MYH10: variants seen among roughly 807,000 people sequenced by gnomAD.
The protein encoded by MYH10 is myosin-10.
Under a neutral mutation model 257.8 loss-of-function variants are expected in MYH10, and 55 were observed. That is an observed-to-expected ratio of 0.21 (90% CI 0.17 to 0.27). The LOEUF is 0.27. Among genes scored for constraint, MYH10 ranks in the 10% least tolerant of loss-of-function variants. The probability of loss-of-function intolerance (pLI) is 1.00; values close to 1 mark genes in which losing one functional copy is unlikely to be tolerated. For missense variants in MYH10, 1,631 were observed against 2,500.6 expected (o/e 0.65, Z 7.42); for synonymous variants, 854 against 921.7 (o/e 0.93, Z 1.33).
In MYH10 at chr17:8,535,574, G is replaced by A; in HGVS notation, c.1780-73C>T. 7.2e-7 allele frequency: 1 copy of A among 1,392,744 alleles called. No homozygotes were observed. Among genetic ancestry groups the A allele is most frequent in the Non-Finnish European group, 1.0e-6 (1 of 1,004,478 alleles). 86.3% of individuals were successfully genotyped at this position (1,392,744 alleles called of 1,614,324 possible). On this transcript the variant is annotated intron_variant, in intron 15 of 42. Transcript: ENST00000360416. This position sits in a 1 kb window ranked among gnomAD's most constrained non-coding sequence, Gnocchi z 4.3. ...AAATGCAAAAACAAAAACACTTTAA[G>A]CCTCAACCAGAAACTTTTATACAAC...
At position 8,478,368 on chromosome 17, in the gene MYH10, C is replaced by A. The variant is rs755958494; in HGVS notation, c.5676G>T (p.Glu1892Asp). 1 of 1,614,160 alleles carries A rather than the reference C, an allele frequency of 6.2e-7. No individual in the cohort carries two copies. The highest frequency in any genetic ancestry group is 1.1e-5 in the South Asian group (1 of 91,078). The change falls in exon 41 of 43, where the codon GAG (glutamate) becomes GAT (aspartate). Residue 1892 changes from glutamate (E) to aspartate (D), a missense_variant. By Grantham distance (45) the Glu-to-Asp change is conservative (BLOSUM62 2). Coordinates refer to ENST00000360416, the MANE Select transcript of MYH10 (RefSeq NM_001256012.3). ...LKEIFMQVED[E>D]RRHADQYKEQ... ...CTTTATACTGGTCCGCGTGTCGACG[C>A]TCATCCTCAACCTGCATGAAGATTT... is the stretch of plus-strand genomic sequence containing the variant.
chr17:8,520,775 T>C, intron 19 of MYH10, 103 bp downstream of exon 19: 2 of 1,302,830 alleles, frequency 1.5e-6, no homozygotes, highest in East Asian at 2.5e-5. Context: ...GAAAACAAAC[T>C]ATGTAGGGGA....
At chr17:8,624,495 T>C (rs1041285788) in intron 1 of MYH10, among the ~76,000 whole-genome samples, 1 of 152,182 alleles carries the variant, frequency 6.6e-6, no homozygotes, top group Non-Finnish European at 1.5e-5. Context: ...TCTTGCTCTA[T>C]CAAATCCCCA....
At chr17:8,612,723 C>T (rs541162185) in intron 2 of MYH10, among the ~76,000 whole-genome samples, 98 of 152,054 alleles carry the variant, frequency 6.4e-4, no homozygotes, top group Non-Finnish European at 1.0e-3. Context: ...TGGTGGCGCA[C>T]GCCTGTAATC....
intron 2 of MYH10, among the ~76,000 whole-genome samples, chr17:8,613,360 C>T (rs2085118586): frequency 1.3e-5 from 2 of 151,916 alleles, no homozygotes; most frequent in South Asian, 2.1e-4. Context: ...AAATGAATAT[C>T]GACAGTATTA....
rs1269277653 is a variant in MYH10 at position 8,477,837 on chromosome 17, C to T, written c.5706+501G>A. 6.6e-6 allele frequency among the ~76,000 whole-genome samples: 1 copy of T among 152,142 alleles called. No homozygotes were observed. Among genetic ancestry groups the T allele is most frequent in the Non-Finnish European group, 1.5e-5 (1 of 68,020 alleles). ...ACGCTGCAATCAGGGCAGGCCTGAC[C>T]CACAGTTCAAAGTCCTGCGGAACAT... On this transcript the variant is annotated intron_variant, in intron 41 of 42. Transcript: ENST00000360416. The surrounding 1 kb of genome is among the most constrained non-coding windows in gnomAD (Gnocchi z 4.2).
At chr17:8,548,851 G>T (rs2082529592) in intron 9 of MYH10, 64 bp from the exon 10 acceptor site, 3 of 1,401,790 alleles carry the variant, frequency 2.1e-6, no homozygotes, top group South Asian at 1.2e-5. Context: ...AGCCATAACT[G>T]CATTCAAACT....
intron 30 of MYH10, among the ~76,000 whole-genome samples, chr17:8,497,906 G>A (rs1461391623): frequency 4.0e-5 from 6 of 150,122 alleles, no homozygotes; most frequent in Non-Finnish European, 5.9e-5. Context: ...CAGTTACATC[G>A]TCTTAGGTAT....
chr17:8,480,255 G>A lies in MYH10; in HGVS notation c.5452C>T (p.Arg1818Cys), dbSNP rs536621301. 9.9e-6 allele frequency: 16 copies of A among 1,614,076 alleles called. No individual in the cohort carries two copies. The Admixed American group carries it at 1.3e-4, about 13-fold the overall frequency. ...TTGTTCTGCCGCTCCAGTTGCTGGC[G>A]TGCATTGTCACTCTTCTGGGCGGCG... The part of the protein sequence containing the change: ...RSAAQKSDNA[R>C]QQLERQNKEL... Residue 1818 changes from arginine (R) to cysteine (C), a missense_variant, in exon 40 of 43, where the codon CGC becomes TGC. Arg to Cys is a radical substitution (Grantham distance 180, BLOSUM62 -3). Transcript: ENST00000360416.
At chr17:8,495,734 T>C (rs1484778965) in intron 30 of MYH10, among the ~76,000 whole-genome samples, 6 of 151,570 alleles carry the variant, frequency 4.0e-5, no homozygotes, top group Non-Finnish European at 7.4e-5. Flanking sequence ...TTTTTTGAGA[T>C]AGTCTCACCC....
At chr17:8,616,079 T>C (rs1452490720) in intron 2 of MYH10, among the ~76,000 whole-genome samples, 1 of 152,162 alleles carries the variant, frequency 6.6e-6, no homozygotes, top group Non-Finnish European at 1.5e-5. Flanking sequence ...TGCCCAGTAG[T>C]TCGAGACCAG....
At chr17:8,576,017 C>T (rs942244178) in intron 6 of MYH10, among the ~76,000 whole-genome samples, 6 of 152,152 alleles carry the variant, frequency 3.9e-5, no homozygotes, top group African/African-American at 7.2e-5. Flanking sequence ...GGTCTTGCTC[C>T]GTTGCCCAGG....
rs755912456 is a variant in MYH10 at position 8,513,816 on chromosome 17, C to G, written c.2583G>C (p.Arg861=). 1 of 1,614,176 alleles carries G rather than the reference C, an allele frequency of 6.2e-7. No homozygotes were observed. The highest frequency in any genetic ancestry group is 1.7e-5 in the Admixed American group (1 of 60,018). ...TGAAGACTCGCCACCACTGCCAGTGCCGTAATTTCAGGTACGCGGCACAGT... is the reference window on the plus strand; with the variant it reads ...TGAAGACTCGCCACCACTGCCAGTGGCGTAATTTCAGGTACGCGGCACAGT... ...QRNCAAYLKL[R]HWQWWRVFTK... Residue 861 remains arginine, a synonymous_variant, in exon 22 of 43, where the codon CGG becomes CGC. Coordinates refer to ENST00000360416, the MANE Select transcript of MYH10 (RefSeq NM_001256012.3).
Position 8,506,254 on chromosome 17 carries a change from T to A in MYH10, c.3386+64A>T. 6.7e-7 allele frequency: 1 copy of A among 1,492,816 alleles called. No homozygotes were observed. The highest frequency in any genetic ancestry group is 8.9e-7 in the Non-Finnish European group (1 of 1,125,186). 92.5% of individuals were successfully genotyped at this position (1,492,816 alleles called of 1,614,324 possible). On this transcript the variant is annotated intron_variant, in intron 27 of 42. Coordinates refer to ENST00000360416, the MANE Select transcript of MYH10 (RefSeq NM_001256012.3). The surrounding 1 kb of genome is among the most constrained non-coding windows in gnomAD (Gnocchi z 5.0). Reference sequence around the variant, plus strand: ...CAGGGTTTTTGAATGCTCCCGAACATAACAAAGTCTGCTGAAACTCAGCCC... The same window carrying A: ...CAGGGTTTTTGAATGCTCCCGAACAAAACAAAGTCTGCTGAAACTCAGCCC...
chr17:8,500,867 C>T lies in MYH10; in HGVS notation c.3703G>A (p.Ala1235Thr). The change falls in exon 29 of 43, where the codon GCC (alanine) becomes ACC (threonine). Residue 1235 changes from alanine to threonine, a missense_variant. Ala to Thr is a moderately conservative substitution (Grantham distance 58, BLOSUM62 0). This residue lies in a region of MYH10 where 463 missense variants were observed against 621.8 expected (regional missense o/e 0.74). Coordinates refer to ENST00000360416, the MANE Select transcript of MYH10 (RefSeq NM_001256012.3). Reference protein sequence around the residue: ...IQDMRQRHATALEELSEQLEQ... With the variant: ...IQDMRQRHATTLEELSEQLEQ... ...AGCTGCTCTGAGAGCTCCTCCAGGG[C>T]TGTTGCGTGTCTTTGTCTCATGTCC... 6.2e-7 allele frequency: 1 copy of T among 1,613,976 alleles called. No individual in the cohort carries two copies. The highest frequency in any genetic ancestry group is 8.5e-7 in the Non-Finnish European group (1 of 1,180,038).
chr17:8,580,402 T>A (rs1003997362), intron 4 of MYH10, among the ~76,000 whole-genome samples: 1 of 151,582 alleles, frequency 6.6e-6, no homozygotes, highest in Non-Finnish European at 1.5e-5. Context: ...TCATCTTATT[T>A]TTTTTTTTTT....
chr17:8,478,847 C>T (rs1382629254), intron 40 of MYH10, among the ~76,000 whole-genome samples: 1 of 152,170 alleles, frequency 6.6e-6, no homozygotes, highest in Non-Finnish European at 1.5e-5. Context: ...TCTCCTGCCT[C>T]AGCCTCCTGA....
intron 1 of MYH10, among the ~76,000 whole-genome samples, chr17:8,627,847 G>A (rs989682902): frequency 6.6e-6 from 1 of 152,188 alleles, no homozygotes; most frequent in Admixed American, 6.5e-5. Flanking sequence ...GCCCTATGAG[G>A]TAGGCACTAT....
chr17:8,487,729 CCAAA>C (rs1227611456), intron 35 of MYH10, 135 bp from the exon 36 acceptor site: 9 of 1,006,404 alleles, frequency 8.9e-6, no homozygotes, highest in Non-Finnish European at 1.0e-5. Flanking sequence ...GTCTCTGTTA[CCAAA>C]CAGTTACTAT....
Sources: allele counts gnomAD v4.1 joint callset (sites outside exome capture counted in the v4.1 genomes callset), GRCh38; gene constraint gnomAD v4.1.1; regional missense constraint gnomAD v4.1.1; non-coding constraint Gnocchi (gnomAD v3.1); transcripts MANE v1.5; gene names NCBI Gene and HGNC (gene_info 2026-07-23, HGNC 2026-07-21).